KLK5: variants seen among roughly 807,000 people sequenced by gnomAD.
KLK5 encodes the protein kallikrein-5.
Under a neutral mutation model 24.0 loss-of-function variants are expected in KLK5, and 18 were observed. The observed-to-expected ratio is 0.75, with a 90% confidence interval of 0.52 to 1.11. The LOEUF (loss-of-function observed/expected upper bound fraction) is 1.11. Among genes scored for constraint, KLK5 ranks in the 50% most tolerant of loss-of-function variants. The pLI is 0.00. For missense variants in KLK5, 374 were observed against 379.2 expected (o/e 0.99, Z 0.11); for synonymous variants, 140 against 154.0 (o/e 0.91, Z 0.67).
chr19:50,948,446 T>C (rs554209584), intron 5 of KLK5, among the ~76,000 whole-genome samples, 194 bp downstream of exon 5: 2 of 152,296 alleles, frequency 1.3e-5, no homozygotes, highest in South Asian at 4.1e-4. Context: ...TTAATGTGGC[T>C]ACTAAAAAAC....
Position 50,948,918 on chromosome 19 carries a change from C to A in KLK5, c.533G>T (p.Cys178Phe). ...DVRPINVSSHCPSAGTKCLVS... is the reference protein window; with the variant it reads ...DVRPINVSSHFPSAGTKCLVS... ...CAAGCACTTTGTCCCAGCAGAGGGA[C>A]AATGAGAGGAGACGTTGATGGGTCT... The change falls in exon 4 of 6, where the codon TGT (cysteine) becomes TTT (phenylalanine). Residue 178 changes from cysteine to phenylalanine, a missense_variant. Physicochemically the swap from Cys to Phe is radical, Grantham distance 205 (BLOSUM62 -2). Coordinates refer to ENST00000336334, the MANE Select transcript of KLK5 (RefSeq NM_012427.5). 11 of 1,613,978 alleles carry A rather than the reference C, an allele frequency of 6.8e-6. No individual in the cohort carries two copies. The highest frequency in any genetic ancestry group is 9.3e-6 in the Non-Finnish European group (11 of 1,180,006).
intron 2 of KLK5, among the ~76,000 whole-genome samples, chr19:50,952,105 G>A (rs140673060): frequency 1.9e-3 from 296 of 152,196 alleles, no homozygotes; most frequent in African/African-American, 7.0e-3. Flanking sequence ...ATAATCGCCT[G>A]CAAGCAGCAC....
intron 2 of KLK5, among the ~76,000 whole-genome samples, chr19:50,951,962 C>G (rs1049995449): frequency 6.6e-6 from 1 of 152,108 alleles, no homozygotes; most frequent in Non-Finnish European, 1.5e-5. Flanking sequence ...GCTGCACCAT[C>G]ACACATACAG....
intron 2 of KLK5, among the ~76,000 whole-genome samples, chr19:50,951,807 G>A (rs967114087): frequency 3.9e-5 from 6 of 152,084 alleles, no homozygotes; most frequent in Admixed American, 1.3e-4. Context: ...CACAGATGCC[G>A]TGTGTGCACA....
intron 3 of KLK5, 55 bp from the exon 4 acceptor site, chr19:50,949,170 C>A: frequency 1.9e-6 from 3 of 1,566,110 alleles, no homozygotes; most frequent in Non-Finnish European, 2.6e-6. Context: ...CCACGTCCAA[C>A]GCCAATCCCA....
intron 2 of KLK5, 28 bp from the exon 3 acceptor site, chr19:50,950,144 GCTC>G: frequency 8.6e-6 from 13 of 1,516,378 alleles, no homozygotes; most frequent in Non-Finnish European, 1.2e-5. Context: ...GTTGGGCGGG[GCTC>G]AGAGGCGGGG....
chr19:50,951,008 C>T (rs1049760509), intron 2 of KLK5, among the ~76,000 whole-genome samples: 1 of 151,468 alleles, frequency 6.6e-6, no homozygotes, highest in Non-Finnish European at 1.5e-5. Flanking sequence ...TAGAGTCTGG[C>T]CTAGGGGCGT....
intron 2 of KLK5, among the ~76,000 whole-genome samples, chr19:50,950,890 C>CA (rs10650166): frequency 0.097 from 9,665 of 99,968 alleles, 1,447 homozygotes; most frequent in African/African-American, 0.29. Flanking sequence ...AGACTGTCTC[C>CA]AAAAAAAAAA....
chr19:50,952,512 G>C (rs1277848442), intron 2 of KLK5, 73 bp downstream of exon 2: 4 of 1,135,064 alleles, frequency 3.5e-6, no homozygotes, highest in Non-Finnish European at 5.0e-6. Flanking sequence ...AGTTCCCCAG[G>C]GGACAGGCGC....
In KLK5 at chr19:50,949,993, C is replaced by T. The variant is rs1568529383; in HGVS notation, c.197G>A (p.Arg66His). The change falls in exon 3 of 6, where the codon CGC becomes CAC. Residue 66 changes from arginine (R) to histidine (H), a missense_variant. By Grantham distance (29) the Arg-to-His change is conservative (BLOSUM62 0). Coordinates refer to ENST00000336334, the MANE Select transcript of KLK5 (RefSeq NM_012427.5). ...EDARSDDSSS[R>H]IINGSDCDMH... is the part of the protein sequence containing the mutation. Reference sequence around the variant, plus strand: ...ATCGCAGTCGGATCCATTGATGATGCGGCTGCTGCTGTCATCCGACCGGGC... The same window carrying T: ...ATCGCAGTCGGATCCATTGATGATGTGGCTGCTGCTGTCATCCGACCGGGC... 2 of 1,613,530 alleles carry T rather than the reference C, an allele frequency of 1.2e-6. No homozygotes were observed. Among genetic ancestry groups the T allele is most frequent in the Non-Finnish European group, 1.7e-6 (2 of 1,179,902 alleles).
At position 50,947,164 on chromosome 19, in the gene KLK5, C is replaced by T. The variant is rs2090642984; in HGVS notation, c.726+1476G>A. On this transcript the variant is annotated intron_variant, in intron 5 of 5. Transcript: ENST00000336334. This position sits in a 1 kb window ranked among gnomAD's most constrained non-coding sequence, Gnocchi z 8.7. ...GTTTGATTTTAAATTCTGTCTTCCT[C>T]AACAGATACAGCTTCCATTAGAACA... Among the ~76,000 whole-genome samples the T allele has an allele frequency of 1.3e-5, 2 of 152,268 alleles. No individual in the cohort carries two copies. Among genetic ancestry groups the T allele is most frequent in the Admixed American group, 6.5e-5 (1 of 15,286 alleles).
chr19:50,944,285 C>G (rs554176693), intron 5 of KLK5, among the ~76,000 whole-genome samples: 2 of 152,082 alleles, frequency 1.3e-5, no homozygotes, highest in African/African-American at 4.8e-5. Context: ...GGATTACAGG[C>G]GTGAGCCACC....
In KLK5 at chr19:50,951,678, AG is replaced by A. The variant is rs1461699642; in HGVS notation, c.73+906del. Among the ~76,000 whole-genome samples the A allele has an allele frequency of 2.6e-5, 4 of 152,328 alleles. No homozygotes were observed. In the East Asian group the frequency reaches 7.7e-4, roughly 29 times the overall value. On this transcript the variant is annotated intron_variant, in intron 2 of 5. Coordinates refer to ENST00000336334, the MANE Select transcript of KLK5 (RefSeq NM_012427.5). ...CAGCCAAGCACGCACGCAGTTCTGC[AG>A]ACACGCCCATGTTGCCTCCACAGGT...
intron 2 of KLK5, among the ~76,000 whole-genome samples, chr19:50,950,620 GGT>G (rs1466141120): frequency 7.9e-5 from 12 of 152,004 alleles, no homozygotes. Context: ...GGCTGGGGGC[GGT>G]GGCTCACGCC....
At chr19:50,945,344 T>C (rs969203745) in intron 5 of KLK5, among the ~76,000 whole-genome samples, 1 of 151,372 alleles carries the variant, frequency 6.6e-6, no homozygotes, top group African/African-American at 2.4e-5. Flanking sequence ...TTGGGGAACA[T>C]GAGGTCCACG....
At position 50,947,747 on chromosome 19, in the gene KLK5, A is replaced by G. The variant is rs1263286144; in HGVS notation, c.726+893T>C. On this transcript the variant is annotated intron_variant, in intron 5 of 5. Coordinates refer to ENST00000336334, the MANE Select transcript of KLK5 (RefSeq NM_012427.5). This position sits in a 1 kb window ranked among gnomAD's most constrained non-coding sequence, Gnocchi z 8.7. ...AGATTTTGTTGAAACAAGACACTTA[A>G]CTACCACACGCCTGAAAACTGCCAA... Among the ~76,000 whole-genome samples the G allele has an allele frequency of 6.6e-6, 1 of 152,222 alleles. No homozygotes were observed. The highest frequency in any genetic ancestry group is 1.5e-5 in the Non-Finnish European group (1 of 68,040).
At position 50,948,770 on chromosome 19, in the gene KLK5, T is replaced by A; in HGVS notation, c.596A>T (p.His199Leu). Residue 199 changes from histidine (H) to leucine (L), a missense_variant, in exon 5 of 6, where the codon CAC becomes CTC. His to Leu is a moderately conservative substitution (Grantham distance 99). Coordinates refer to ENST00000336334, the MANE Select transcript of KLK5 (RefSeq NM_012427.5). ...GWGTTKSPQV[H>L]FPKVLQCLNI... ...CAAGCACTGGAGGACCTTAGGGAAG[T>A]GCACTGTCAAACAGGAACACAATGA... is the stretch of plus-strand genomic sequence containing the variant. The A allele has an allele frequency of 6.2e-7, 1 of 1,614,008 alleles. No individual in the cohort carries two copies. Among genetic ancestry groups the A allele is most frequent in the Non-Finnish European group, 8.5e-7 (1 of 1,180,016 alleles).
Position 50,947,381 on chromosome 19 carries a change from T to G in KLK5, c.726+1259A>C, listed in dbSNP as rs1289425409. Among the ~76,000 whole-genome samples, 1 of 152,160 alleles carries G rather than the reference T, an allele frequency of 6.6e-6. No homozygotes were observed. The highest frequency in any genetic ancestry group is 1.5e-5 in the Non-Finnish European group (1 of 68,030). ...ACGTGCCTTTTCTTTCCCCTTAAAC[T>G]TCACGAGTTTAGCTTCTTTGTGTCA... On this transcript the variant is annotated intron_variant, in intron 5 of 5. Coordinates refer to ENST00000336334, the MANE Select transcript of KLK5 (RefSeq NM_012427.5). This position sits in a 1 kb window ranked among gnomAD's most constrained non-coding sequence, Gnocchi z 8.7.
intron 2 of KLK5, 63 bp downstream of exon 2, chr19:50,952,522 C>T: frequency 7.7e-7 from 1 of 1,292,178 alleles, no homozygotes. Context: ...GGGACAGGCG[C>T]TCTAGTGCCG....
Sources: gnomAD v4.1 joint callset for allele counts (sites outside exome capture counted in the v4.1 genomes callset) on GRCh38, gnomAD v4.1.1 for gene constraint, Gnocchi (gnomAD v3.1) non-coding constraint, MANE v1.5 for transcripts, NCBI Gene and HGNC (gene_info 2026-07-23, HGNC 2026-07-21) for gene names.